The following ACOXL variants were observed in gnomAD, a reference collection of about 807,000 sequenced individuals.
ACOXL encodes the protein acyl-CoA oxidase like, also known as acyl-coenzyme A oxidase-like protein.
A neutral mutation model predicts 71.9 loss-of-function variants in ACOXL; 70 were observed. The observed-to-expected ratio is 0.97, with a 90% CI of 0.80 to 1.19. The LOEUF is 1.19. Among genes scored for constraint, ACOXL ranks in the 50% most tolerant of loss-of-function variants. The probability of loss-of-function intolerance (pLI) is 0.00; values close to 1 mark genes in which losing one functional copy is unlikely to be tolerated. For missense variants in ACOXL, 703 were observed against 736.3 expected (o/e 0.95, Z 0.52); for synonymous variants, 253 against 281.6 (o/e 0.90, Z 1.02).
chr2:110,878,444 T>C (rs1468412372), intron 10 of ACOXL, among the ~76,000 whole-genome samples: 1 of 152,180 alleles, frequency 6.6e-6, no homozygotes, highest in African/African-American at 2.4e-5. Flanking sequence ...ACAGCTTTAA[T>C]GTATGTTGAA....
At chr2:110,772,193 A>T (rs1386223560) in intron 2 of ACOXL, among the ~76,000 whole-genome samples, 1 of 152,244 alleles carries the variant, frequency 6.6e-6, no homozygotes, top group Non-Finnish European at 1.5e-5. Flanking sequence ...ATAAATGACT[A>T]GTGAACCAGG....
chr2:110,860,438 T>C (rs535486716), intron 10 of ACOXL, among the ~76,000 whole-genome samples: 17 of 152,298 alleles, frequency 1.1e-4, no homozygotes, highest in Admixed American at 7.2e-4. Flanking sequence ...CATTTTCTAA[T>C]CCTGTGTAGA....
intron 15 of ACOXL, among the ~76,000 whole-genome samples, chr2:111,041,313 C>T (rs1378515672): frequency 6.6e-6 from 1 of 152,128 alleles, no homozygotes; most frequent in Non-Finnish European, 1.5e-5. Flanking sequence ...GGATCAATGC[C>T]ACGCATGAGG....
chr2:110,990,401 T>C (rs531686807), intron 13 of ACOXL, among the ~76,000 whole-genome samples: 1 of 152,356 alleles, frequency 6.6e-6, no homozygotes, highest in South Asian at 2.1e-4. Flanking sequence ...GAAATTTCTT[T>C]TAAATGTGTC....
At chr2:110,793,315 A>G (rs530106038) in intron 3 of ACOXL, among the ~76,000 whole-genome samples, 8 of 152,324 alleles carry the variant, frequency 5.3e-5, no homozygotes, top group Middle Eastern at 3.4e-3. Context: ...ACACTTTGTT[A>G]CATGTCTTCT....
intron 12 of ACOXL, chr2:110,968,200 G>T (rs1211296935): frequency 3.7e-6 from 4 of 1,095,218 alleles, no homozygotes; most frequent in Admixed American, 1.7e-5. Context: ...TGAAGGCCAA[G>T]TGTAGGTGAC....
intron 10 of ACOXL, among the ~76,000 whole-genome samples, chr2:110,902,322 TAGTC>T (rs2059271125): frequency 6.6e-6 from 1 of 151,962 alleles, no homozygotes; most frequent in South Asian, 2.1e-4. Context: ...TTACAAAAAT[TAGTC>T]AGGCGTGGTG....
chr2:111,054,664 G>A (rs1558918533), intron 16 of ACOXL, among the ~76,000 whole-genome samples: 2 of 152,152 alleles, frequency 1.3e-5, no homozygotes, highest in Admixed American at 6.5e-5. Flanking sequence ...CTCCCTCCAC[G>A]TCCCCTGCCA....
chr2:111,053,219 G>T (rs2066382769), intron 16 of ACOXL, among the ~76,000 whole-genome samples: 1 of 152,170 alleles, frequency 6.6e-6, no homozygotes, highest in Admixed American at 6.5e-5. Context: ...GAACCAACCT[G>T]GCCTTCTACC....
At chr2:110,761,780 A>T (rs968975882) in intron 1 of ACOXL, among the ~76,000 whole-genome samples, 6 of 152,202 alleles carry the variant, frequency 3.9e-5, no homozygotes, top group African/African-American at 1.4e-4. Context: ...GATGGGCTAA[A>T]CCATACCTTC....
intron 11 of ACOXL, among the ~76,000 whole-genome samples, chr2:110,913,297 G>T (rs2059712547): frequency 6.6e-6 from 1 of 152,132 alleles, no homozygotes; most frequent in Admixed American, 6.6e-5. Flanking sequence ...ACAAAAATGT[G>T]CACATGAGTG....
chr2:110,829,677 A>G (rs1457704207), intron 9 of ACOXL, among the ~76,000 whole-genome samples: 2 of 152,134 alleles, frequency 1.3e-5, no homozygotes, highest in Non-Finnish European at 2.9e-5. Context: ...GAGGCAGGGG[A>G]AGAAGGAGGA....
chr2:110,845,464 A>G (rs1235453391), intron 10 of ACOXL, among the ~76,000 whole-genome samples: 1 of 152,182 alleles, frequency 6.6e-6, no homozygotes, highest in East Asian at 1.9e-4. Context: ...AACCATTTTT[A>G]AGTGTATAGT....
At chr2:110,792,295 G>A (rs915191380) in intron 3 of ACOXL, among the ~76,000 whole-genome samples, 1 of 152,174 alleles carries the variant, frequency 6.6e-6, no homozygotes, top group African/African-American at 2.4e-5. Context: ...TAGCTAGGAG[G>A]GGGAAGGAAC....
At chr2:111,054,632 T>C (rs535616271) in intron 16 of ACOXL, among the ~76,000 whole-genome samples, 7 of 152,296 alleles carry the variant, frequency 4.6e-5, no homozygotes, top group Admixed American at 4.6e-4. Flanking sequence ...CCTGGGAGCG[T>C]GTGGAAGGAG....
At chr2:110,747,001 A>T (rs1275828354) in intron 1 of ACOXL, among the ~76,000 whole-genome samples, 1 of 152,176 alleles carries the variant, frequency 6.6e-6, no homozygotes, top group Non-Finnish European at 1.5e-5. Context: ...GGCTGAAATA[A>T]AATGCAGCAA....
chr2:111,073,619 C>T (rs972791658), intron 16 of ACOXL, among the ~76,000 whole-genome samples: 1 of 152,054 alleles, frequency 6.6e-6, no homozygotes, highest in Non-Finnish European at 1.5e-5. Flanking sequence ...TTCCCATTGA[C>T]CTACGTGTAT....
intron 10 of ACOXL, among the ~76,000 whole-genome samples, chr2:110,849,857 G>T (rs1266472003): frequency 1.3e-5 from 2 of 152,174 alleles, no homozygotes; most frequent in Admixed American, 1.3e-4. Context: ...TTTCAGAATC[G>T]CTGTAAAGCT....
chr2:111,077,789 T>C (rs1343071425), intron 16 of ACOXL, among the ~76,000 whole-genome samples: 1 of 152,224 alleles, frequency 6.6e-6, no homozygotes, highest in African/African-American at 2.4e-5. Flanking sequence ...TTCAGATTGT[T>C]TTTCTCCTAG....
Sources: allele counts gnomAD v4.1 joint callset (sites outside exome capture counted in the v4.1 genomes callset), GRCh38; gene constraint gnomAD v4.1.1; transcripts MANE v1.5; gene names NCBI Gene and HGNC (gene_info 2026-07-23, HGNC 2026-07-21).